Variants in PRR16 observed in about 807,000 individuals in gnomAD.
PRR16 encodes the protein protein Largen.
In PRR16, 6 loss-of-function variants were observed where a neutral mutation model predicts 18.2. That is an observed-to-expected ratio of 0.33 (90% CI 0.18 to 0.65). PRR16 has a LOEUF of 0.65. Ranked by LOEUF, PRR16 falls within the 30% of genes least tolerant of loss-of-function variation. The pLI is 0.74. For synonymous variants in PRR16, 151 were observed against 147.8 expected, an observed-to-expected ratio of 1.02 and a Z score of -0.16; for missense variants, 412 against 376.6, an observed-to-expected ratio of 1.09 and a Z score of -0.78.
intron 1 of PRR16, among the ~76,000 whole-genome samples, chr5:120,614,445 T>C (rs1029987138): frequency 6.6e-6 from 1 of 152,232 alleles, no homozygotes; most frequent in South Asian, 2.1e-4. Flanking sequence ...TCTGTTATTT[T>C]CCAATGGCCA....
At chr5:120,610,876 G>A (rs1194729256) in intron 1 of PRR16, among the ~76,000 whole-genome samples, 2 of 152,172 alleles carry the variant, frequency 1.3e-5, no homozygotes, top group African/African-American at 4.8e-5. Flanking sequence ...CAGGCAGAGA[G>A]GTTGGAACAG....
At chr5:120,758,542 T>G in the PRR16 span, among the ~76,000 whole-genome samples, 1 of 152,126 alleles carries the variant, frequency 6.6e-6, no homozygotes, top group Non-Finnish European at 1.5e-5. Flanking sequence ...GAAGGGGGGA[T>G]CTGCTAGGAG....
At chr5:120,673,932 C>T (rs950533190) in intron 1 of PRR16, among the ~76,000 whole-genome samples, 3 of 144,706 alleles carry the variant, frequency 2.1e-5, no homozygotes, top group African/African-American at 5.2e-5. Flanking sequence ...TCCAGCCTGG[C>T]GACAGAGTGA....
At chr5:120,793,285 C>A in the PRR16 span, among the ~76,000 whole-genome samples, 1 of 151,570 alleles carries the variant, frequency 6.6e-6, no homozygotes, top group African/African-American at 2.4e-5. Flanking sequence ...GTATCCAGTA[C>A]AACAAATGTA....
chr5:120,691,344 C>A (rs936420438), downstream of PRR16, among the ~76,000 whole-genome samples: 5 of 152,158 alleles, frequency 3.3e-5, no homozygotes, highest in African/African-American at 1.2e-4. Context: ...TGTGTTTGAT[C>A]TTTGCAGAAT....
At chr5:120,691,023 T>G (rs781466003), downstream of PRR16, among the ~76,000 whole-genome samples, 12 of 152,184 alleles carry the variant, frequency 7.9e-5, no homozygotes, top group Non-Finnish European at 1.5e-4. Flanking sequence ...ACTCATCAAA[T>G]GTAGGTATAT....
chr5:120,545,368 C>T (rs1251726645), intron 1 of PRR16, among the ~76,000 whole-genome samples: 1 of 152,058 alleles, frequency 6.6e-6, no homozygotes, highest in Non-Finnish European at 1.5e-5. Context: ...TCAGTGTTCT[C>T]TACATAATGT....
chr5:120,719,523 A>T, the PRR16 span, among the ~76,000 whole-genome samples: 1 of 152,042 alleles, frequency 6.6e-6, no homozygotes, highest in East Asian at 1.9e-4. Flanking sequence ...GAGAGATATG[A>T]GATTCTGGAC....
chr5:120,519,169 A>G (rs576626665), intron 1 of PRR16, among the ~76,000 whole-genome samples: 2 of 152,066 alleles, frequency 1.3e-5, no homozygotes. Flanking sequence ...ACCCTAGGAC[A>G]TGAAAGACAG....
chr5:120,668,283 C>T (rs2150144126), intron 1 of PRR16, among the ~76,000 whole-genome samples: 1 of 151,018 alleles, frequency 6.6e-6, no homozygotes, highest in Middle Eastern at 3.4e-3. Flanking sequence ...CAACCCCTGC[C>T]TTTTTATGTT....
chr5:120,711,455 T>C, the PRR16 span, among the ~76,000 whole-genome samples: 2 of 152,174 alleles, frequency 1.3e-5, no homozygotes, highest in Admixed American at 6.5e-5. Flanking sequence ...TCTAATGTGA[T>C]GTTTGCCATG....
At chr5:120,714,848 T>G in the PRR16 span, among the ~76,000 whole-genome samples, 1 of 152,094 alleles carries the variant, frequency 6.6e-6, no homozygotes, top group Admixed American at 6.5e-5. Context: ...GGGACATAGA[T>G]GAAACTGGAA....
intron 1 of PRR16, among the ~76,000 whole-genome samples, chr5:120,635,543 T>G (rs575584826): frequency 1.3e-5 from 2 of 152,220 alleles, no homozygotes; most frequent in Admixed American, 1.3e-4. Context: ...GTAGATGTAT[T>G]AAAAGCATGT....
chr5:120,543,663 C>T (rs917886806), intron 1 of PRR16, among the ~76,000 whole-genome samples: 16 of 152,160 alleles, frequency 1.1e-4, no homozygotes, highest in Non-Finnish European at 2.9e-5. Flanking sequence ...GTCCATATTA[C>T]TGATAGATCA....
chr5:120,692,446 A>C, the PRR16 span, among the ~76,000 whole-genome samples: 33 of 152,158 alleles, frequency 2.2e-4, no homozygotes, highest in African/African-American at 7.2e-4. Flanking sequence ...AGAAAGGGGC[A>C]ACTGGAGAAT....
intron 1 of PRR16, among the ~76,000 whole-genome samples, chr5:120,666,968 C>T (rs1756402167): frequency 1.4e-5 from 2 of 147,066 alleles, no homozygotes; most frequent in Non-Finnish European, 3.0e-5. Context: ...ATGATGCTGG[C>T]CTCATAAAAT....
chr5:120,761,585 TTA>T, the PRR16 span, among the ~76,000 whole-genome samples: 4 of 152,084 alleles, frequency 2.6e-5, no homozygotes, highest in Non-Finnish European at 4.4e-5. Flanking sequence ...TTGTTTAGAT[TTA>T]TCTTTTTTTA....
chr5:120,645,383 T>TCC (rs375699744), intron 1 of PRR16, among the ~76,000 whole-genome samples: 2 of 66,060 alleles, frequency 3.0e-5, no homozygotes, highest in South Asian at 5.7e-4. Context: ...TACCCACCCA[T>TCC]CCCCCCCCCA....
intron 1 of PRR16, among the ~76,000 whole-genome samples, chr5:120,560,817 C>A (rs891091749): frequency 6.6e-6 from 1 of 151,976 alleles, no homozygotes; most frequent in Admixed American, 6.6e-5. Context: ...TGTTATTGGT[C>A]TGTTCAGGTT....
Sources: allele counts gnomAD v4.1 joint callset (sites outside exome capture counted in the v4.1 genomes callset), GRCh38; gene constraint gnomAD v4.1.1; transcripts MANE v1.5; gene names NCBI Gene and HGNC (gene_info 2026-07-23, HGNC 2026-07-21).